The following OR5H1 variants were observed in gnomAD, a reference collection of about 807,000 sequenced individuals.
The protein encoded by OR5H1 is olfactory receptor family 5 subfamily H member 1.
For synonymous variants in OR5H1, 124 were observed against 134.4 expected (o/e 0.92, Z 0.54); for missense variants, 378 against 366.8 (o/e 1.03, Z -0.25).
At chr3:98,132,296 A>C (rs1205910093) in intron 1 of OR5H1, among the ~76,000 whole-genome samples, 2 of 152,052 alleles carry the variant, frequency 1.3e-5, no homozygotes, top group Non-Finnish European at 2.9e-5. Flanking sequence ...TTATTGTATG[A>C]AGAATAAAGT....
Position 98,135,297 on chromosome 3 carries a change from G to A in OR5H1, c.*1658G>A, listed in dbSNP as rs911746105. The A allele has an allele frequency of 6.6e-6, 1 of 152,170 alleles. No homozygotes were observed. Among genetic ancestry groups the A allele is most frequent in the African/African-American group, 2.4e-5 (1 of 41,458 alleles). 9.4% of individuals were successfully genotyped at this position (152,170 alleles called of 1,614,324 possible). On this transcript the variant is annotated 3_prime_UTR_variant, in exon 2 of 2. Transcript: ENST00000641874. ...AATTCCTAGTTAGAAATTAGCTGGG[G>A]TTTTTGGTTGGTTAAAGTTAACTTT...
chr3:98,136,455 A>G lies in OR5H1; in HGVS notation c.*2816A>G, dbSNP rs895449686. ...GTACTCAAAAAGGTCCTAAAAGTAT[A>G]TTTCAGTTCCTGGGCCTTCCAGAGA... On this transcript the variant is annotated 3_prime_UTR_variant, in exon 2 of 2. Coordinates refer to ENST00000641874, the MANE Select transcript of OR5H1 (RefSeq NM_001005338.2). 3.9e-5 allele frequency: 6 copies of G among 152,180 alleles called. No homozygotes were observed. Among genetic ancestry groups the G allele is most frequent in the Admixed American group, 6.6e-5 (1 of 15,258 alleles). The allele number at this position is 152,180 out of a possible 1,614,324, so 9.4% of individuals were successfully genotyped here.
At position 98,135,410 on chromosome 3, in the gene OR5H1, T is replaced by G. The variant is rs1209407259; in HGVS notation, c.*1771T>G. 6.6e-6 allele frequency: 1 copy of G among 152,164 alleles called. No homozygotes were observed. Among genetic ancestry groups the G allele is most frequent in the Non-Finnish European group, 1.5e-5 (1 of 68,012 alleles). The allele number at this position is 152,164 out of a possible 1,614,324, so 9.4% of individuals were successfully genotyped here. ...CCCACGTCAGCCTGATATACTTTTATTTAATTATTTTAACTCATTATGGTC... is the reference window on the plus strand; with the variant it reads ...CCCACGTCAGCCTGATATACTTTTAGTTAATTATTTTAACTCATTATGGTC... On this transcript the variant is annotated 3_prime_UTR_variant, in exon 2 of 2. Transcript: ENST00000641874.
At position 98,132,755 on chromosome 3, in the gene OR5H1, C is replaced by T; in HGVS notation, c.58C>T (p.Gln20Ter). The T allele has an allele frequency of 7.4e-6, 12 of 1,613,392 alleles. No individual in the cohort carries two copies. Among genetic ancestry groups the T allele is most frequent in the Non-Finnish European group, 1.0e-5 (12 of 1,179,500 alleles). ...TEFVLTGFLY[Q>*]PQWKIPLFLA... ...GTTTGTTCTCACAGGATTTTTATAT[C>T]AACCACAGTGGAAAATACCCCTGTT... The change falls in exon 2 of 2, where the codon CAA (glutamine) becomes TAA (stop). Residue 20 changes from glutamine to a stop codon, truncating the protein, a stop_gained. Coordinates refer to ENST00000641874, the MANE Select transcript of OR5H1 (RefSeq NM_001005338.2). LOFTEE classifies it low-confidence loss of function (END_TRUNC).
rs1708332381 is a variant in OR5H1, at chr3:98,137,402, A to G, written c.*3763A>G. The stretch of plus-strand genomic sequence containing the variant: ...CATACAGGGATGTTTCCTTTATGTT[A>G]TTTAGTGGTATTTATTACCACACAT... On this transcript the variant is annotated 3_prime_UTR_variant, in exon 2 of 2. Coordinates refer to ENST00000641874, the MANE Select transcript of OR5H1 (RefSeq NM_001005338.2). 1 of 152,176 alleles carries G rather than the reference A, an allele frequency of 6.6e-6. No homozygotes were observed. The highest frequency in any genetic ancestry group is 1.5e-5 in the Non-Finnish European group (1 of 68,038). The allele number at this position is 152,176 out of a possible 1,614,324, so 9.4% of individuals were successfully genotyped here.
At chr3:98,130,954 T>C (rs758701696) in intron 1 of OR5H1, 104 bp downstream of exon 1, 5 of 152,116 alleles carry the variant, frequency 3.3e-5, no homozygotes, top group Admixed American at 6.6e-5. Context: ...GTTGTCATAA[T>C]AGAAAGTCAG....
rs1315711029 is a variant in OR5H1, at chr3:98,132,705, A to T, written c.8A>T (p.Glu3Val). ...AGGGCATGCTGTGAGGACATGGAAG[A>T]GGAAAATGCAACATTGCTGACAGAG... is the stretch of plus-strand genomic sequence containing the variant. ME[E>V]ENATLLTEFV... Residue 3 changes from glutamate to valine, a missense_variant, in exon 2 of 2, where the codon GAG (glutamate) becomes GTG (valine). Coordinates refer to ENST00000641874, the MANE Select transcript of OR5H1 (RefSeq NM_001005338.2). The T allele has an allele frequency of 6.2e-7, 1 of 1,612,646 alleles. No homozygotes were observed. Among genetic ancestry groups the T allele is most frequent in the South Asian group, 1.1e-5 (1 of 90,948 alleles).
chr3:98,131,090 T>C (rs1708250978), intron 1 of OR5H1, among the ~76,000 whole-genome samples: 1 of 152,032 alleles, frequency 6.6e-6, no homozygotes. Flanking sequence ...TTATGATGAG[T>C]TTATATAAAT....
At position 98,133,361 on chromosome 3, in the gene OR5H1, C is replaced by G. The variant is rs1708281341; in HGVS notation, c.664C>G (p.Leu222Val). Residue 222 changes from leucine (L) to valine (V), a missense_variant, in exon 2 of 2, where the codon CTC becomes GTC. Leu to Val is a conservative substitution (Grantham distance 32). Transcript: ENST00000641874. ...TATTCTTGTATCTTATACATTTGTT[C>G]TCTTCGCAATCTTAAAAAAGAAATC... is the stretch of plus-strand genomic sequence containing the variant. Reference protein sequence around the residue: ...VTILVSYTFVLFAILKKKSDK... With the variant: ...VTILVSYTFVVFAILKKKSDK... 1 of 1,613,080 alleles carries G rather than the reference C, an allele frequency of 6.2e-7. No homozygotes were observed. Among genetic ancestry groups the G allele is most frequent in the Non-Finnish European group, 8.5e-7 (1 of 1,179,548 alleles).
At chr3:98,131,019 A>G (rs1576095634) in intron 1 of OR5H1, among the ~76,000 whole-genome samples, 169 bp downstream of exon 1, 1 of 152,092 alleles carries the variant, frequency 6.6e-6, no homozygotes, top group South Asian at 2.1e-4. Flanking sequence ...TGACTCTAAT[A>G]TGGATAAAGA....
rs1708274652 is a variant in OR5H1, at chr3:98,133,022, AC to A, written c.327del (p.Thr110ArgfsTer15). The A allele has an allele frequency of 6.2e-7, 1 of 1,613,496 alleles. No homozygotes were observed. Among genetic ancestry groups the A allele is most frequent in the South Asian group, 1.1e-5 (1 of 91,074 alleles). On this transcript the variant is annotated frameshift_variant, in exon 2 of 2. Coordinates refer to ENST00000641874, the MANE Select transcript of OR5H1 (RefSeq NM_001005338.2). LOFTEE classifies it low-confidence loss of function (END_TRUNC). ...GTTTTTTTCGTTTGCAATCAGTGTA[AC>A]CACGGAATGTTTTCTCTTGGCAACG... is the stretch of plus-strand genomic sequence containing the variant. ...IQFFSFAISV[T>X]TECFLLATMA...
At chr3:98,131,317 T>A (rs1708253259) in intron 1 of OR5H1, among the ~76,000 whole-genome samples, 1 of 151,958 alleles carries the variant, frequency 6.6e-6, no homozygotes, top group Admixed American at 6.6e-5. Flanking sequence ...ATTTTGTTGA[T>A]GTGAATAAAG....
At position 98,133,921 on chromosome 3, in the gene OR5H1, G is replaced by A. The variant is rs2107308550; in HGVS notation, c.*282G>A. ...ATGTGCATTTATAAATGCATTAATT[G>A]CTAAAATAGCCTAGTTTATCATATA... On this transcript the variant is annotated 3_prime_UTR_variant, in exon 2 of 2. Coordinates refer to ENST00000641874, the MANE Select transcript of OR5H1 (RefSeq NM_001005338.2). 3.4e-6 allele frequency: 1 copy of A among 295,310 alleles called. No individual in the cohort carries two copies. Among genetic ancestry groups the A allele is most frequent in the Non-Finnish European group, 6.4e-6 (1 of 156,966 alleles). The allele number at this position is 295,310 out of a possible 1,614,324, so 18.3% of individuals were successfully genotyped here. A position where few individuals can be genotyped will look rare whatever the true frequency, so the allele number is the denominator to read the frequency against.
At position 98,136,334 on chromosome 3, in the gene OR5H1, C is replaced by T. The variant is rs184491472; in HGVS notation, c.*2695C>T. On this transcript the variant is annotated 3_prime_UTR_variant, in exon 2 of 2. Transcript: ENST00000641874. ...ATTACGACCTTTACTAAATAATCTC[C>T]GATTAGACTTTAAAGTTTCTTCAAG... The T allele has an allele frequency of 1.5e-3, 232 of 152,218 alleles. 1 individual carries two copies. The highest frequency in any genetic ancestry group is 4.6e-3 in the African/African-American group (191 of 41,550). The allele number at this position is 152,218 out of a possible 1,614,324, so 9.4% of individuals were successfully genotyped here.
At position 98,135,024 on chromosome 3, in the gene OR5H1, A is replaced by G. The variant is rs1327188997; in HGVS notation, c.*1385A>G. On this transcript the variant is annotated 3_prime_UTR_variant, in exon 2 of 2. Coordinates refer to ENST00000641874, the MANE Select transcript of OR5H1 (RefSeq NM_001005338.2). The stretch of plus-strand genomic sequence containing the variant: ...TATGTTTAGTTTTTCATATGTATAC[A>G]TAGTGATACAAGATATATATTAGTA... 1 of 152,164 alleles carries G rather than the reference A, an allele frequency of 6.6e-6. No individual in the cohort carries two copies. The highest frequency in any genetic ancestry group is 1.5e-5 in the Non-Finnish European group (1 of 68,026). 9.4% of individuals were successfully genotyped at this position (152,164 alleles called of 1,614,324 possible).
chr3:98,134,735 G>A lies in OR5H1; in HGVS notation c.*1096G>A, dbSNP rs60072960. The A allele has an allele frequency of 1.5e-3, 232 of 151,988 alleles. 1 individual carries two copies. Among genetic ancestry groups the A allele is most frequent in the African/African-American group, 4.6e-3 (192 of 41,482 alleles). The allele number at this position is 151,988 out of a possible 1,614,324, so 9.4% of individuals were successfully genotyped here. On this transcript the variant is annotated 3_prime_UTR_variant, in exon 2 of 2. Coordinates refer to ENST00000641874, the MANE Select transcript of OR5H1 (RefSeq NM_001005338.2). ...ACCCTCTCCTTCATCTTTCAATACTGAAATTCCTTTCACATTCTCACTGAT... is the reference window on the plus strand; with the variant it reads ...ACCCTCTCCTTCATCTTTCAATACTAAAATTCCTTTCACATTCTCACTGAT...
At position 98,135,809 on chromosome 3, in the gene OR5H1, A is replaced by G. The variant is rs776327873; in HGVS notation, c.*2170A>G. 1 of 152,236 alleles carries G rather than the reference A, an allele frequency of 6.6e-6. No homozygotes were observed. Among genetic ancestry groups the G allele is most frequent in the Non-Finnish European group, 1.5e-5 (1 of 68,042 alleles). The allele number at this position is 152,236 out of a possible 1,614,324, so 9.4% of individuals were successfully genotyped here. ...AAGGTTAATGGTTAAAACTACCTAT[A>G]AGCTTAGCATGTGAGCCAGAGGGCA... On this transcript the variant is annotated 3_prime_UTR_variant, in exon 2 of 2. Transcript: ENST00000641874.
rs368076221 is a variant in OR5H1 at position 98,138,016 on chromosome 3, G to A, written c.*4377G>A. ...CACGTTTATGTCAGTGTAGCAGGAC[G>A]AGCCGTGGGCAAAACCCCTCAGACA... is the stretch of plus-strand genomic sequence containing the variant. On this transcript the variant is annotated 3_prime_UTR_variant, in exon 2 of 2. Coordinates refer to ENST00000641874, the MANE Select transcript of OR5H1 (RefSeq NM_001005338.2). 4 of 152,028 alleles carry A rather than the reference G, an allele frequency of 2.6e-5. No homozygotes were observed. Among genetic ancestry groups the A allele is most frequent in the South Asian group, 2.1e-4 (1 of 4,806 alleles). The allele number at this position is 152,028 out of a possible 1,614,324, so 9.4% of individuals were successfully genotyped here. A position where few individuals can be genotyped will look rare whatever the true frequency, so the allele number is the denominator to read the frequency against.
chr3:98,132,961 G>A lies in OR5H1; in HGVS notation c.264G>A (p.Lys88=). ...TPKMLNNFLA[K]SKMISLSECK... is the part of the protein sequence containing the mutation. ...AGATGCTGAATAACTTCTTAGCTAAGAGTAAGATGATATCTCTCTCTGAAT... is the reference window on the plus strand; with the variant it reads ...AGATGCTGAATAACTTCTTAGCTAAAAGTAAGATGATATCTCTCTCTGAAT... Residue 88 remains lysine, a synonymous_variant, in exon 2 of 2, where the codon AAG becomes AAA. Coordinates refer to ENST00000641874, the MANE Select transcript of OR5H1 (RefSeq NM_001005338.2). 1 of 1,613,566 alleles carries A rather than the reference G, an allele frequency of 6.2e-7. No individual in the cohort carries two copies. The highest frequency in any genetic ancestry group is 8.5e-7 in the Non-Finnish European group (1 of 1,179,644).
Sources: allele counts gnomAD v4.1 joint callset (sites outside exome capture counted in the v4.1 genomes callset), GRCh38; gene constraint gnomAD v4.1.1; transcripts MANE v1.5; gene names NCBI Gene and HGNC (gene_info 2026-07-23, HGNC 2026-07-21).